The following ZNF514 variants were observed in gnomAD, a reference collection of about 807,000 sequenced individuals.
ZNF514 encodes the protein zinc finger protein 514.
A neutral mutation model predicts 9.7 loss-of-function variants in ZNF514; 12 were observed. The ratio of observed to expected loss-of-function variants is 1.24; its 90% CI spans 0.79 to 2.01. The LOEUF is 2.01. ZNF514 is among the 30% of genes most tolerant of loss of function. The pLI, the probability that ZNF514 is intolerant of heterozygous loss-of-function variation, is 0.00. For missense variants in ZNF514, 467 were observed against 465.5 expected (o/e 1.00, Z -0.03); for synonymous variants, 158 against 163.7 (o/e 0.97, Z 0.27).
the ZNF514 span, among the ~76,000 whole-genome samples, chr2:95,131,826 T>C: frequency 2.0e-5 from 3 of 152,100 alleles, no homozygotes; most frequent in Non-Finnish European, 4.4e-5. Flanking sequence ...ATAAAACATT[T>C]ATTCAATGAA....
chr2:95,129,517 G>A, the ZNF514 span, among the ~76,000 whole-genome samples: 1 of 152,174 alleles, frequency 6.6e-6, no homozygotes. Context: ...TAGTTGAAGA[G>A]GCTAAATTCC....
chr2:95,127,703 C>T, the ZNF514 span, among the ~76,000 whole-genome samples: 11 of 152,048 alleles, frequency 7.2e-5, no homozygotes, highest in Non-Finnish European at 1.3e-4. Flanking sequence ...CTGCAGCCTC[C>T]GCCTTAGTGG....
the ZNF514 span, among the ~76,000 whole-genome samples, chr2:95,133,040 T>A: frequency 1.3e-5 from 2 of 152,338 alleles, no homozygotes; most frequent in Non-Finnish European, 2.9e-5. Context: ...AAACATCCCA[T>A]GCATCTTTCA....
chr2:95,133,456 G>A, the ZNF514 span, among the ~76,000 whole-genome samples: 26 of 152,214 alleles, frequency 1.7e-4, no homozygotes, highest in Non-Finnish European at 2.6e-4. Flanking sequence ...TCAGGAGTTA[G>A]GAAGGGGGTG....
intron 2 of ZNF514, among the ~76,000 whole-genome samples, chr2:95,156,687 A>C (rs1348540413): frequency 6.6e-6 from 1 of 152,206 alleles, no homozygotes; most frequent in Non-Finnish European, 1.5e-5. Flanking sequence ...CATCATTAAC[A>C]TTATTATAGT....
At chr2:95,155,675 T>C (rs1297168561) in intron 2 of ZNF514, 1 of 152,178 alleles carries the variant, frequency 6.6e-6, no homozygotes, top group Non-Finnish European at 1.5e-5. Context: ...TAAGAAAATA[T>C]ACAGTGATAG....
chr2:95,141,288 T>C (rs886337667), downstream of ZNF514, among the ~76,000 whole-genome samples: 5 of 152,220 alleles, frequency 3.3e-5, no homozygotes, highest in African/African-American at 7.2e-5. Context: ...CTTCTTTTAC[T>C]ATCCACAATC....
the ZNF514 span, among the ~76,000 whole-genome samples, chr2:95,139,129 G>A: frequency 5.1e-3 from 777 of 152,374 alleles, 7 homozygotes; most frequent in African/African-American, 0.018. Flanking sequence ...CCTCCATCTA[G>A]ATTTCAGAGT....
intron 4 of ZNF514, among the ~76,000 whole-genome samples, chr2:95,152,134 G>C (rs183670106): frequency 4.2e-4 from 64 of 152,280 alleles, no homozygotes; most frequent in Middle Eastern, 6.8e-3. Context: ...GTACTCTCAA[G>C]TCACCTGAGA....
At chr2:95,132,213 A>G in the ZNF514 span, among the ~76,000 whole-genome samples, 1 of 152,002 alleles carries the variant, frequency 6.6e-6, no homozygotes, top group Admixed American at 6.6e-5. Context: ...CTGGGAGGAA[A>G]TATCTGCAAG....
rs139423560 is a variant in ZNF514 at position 95,155,529 on chromosome 2, G to C, written c.-7+1822C>G. ...TGTCCTTTTAGTTTATAGGTATCCA[G>C]ACCCACAGGATCTCCATCCAGACTA... On this transcript the variant is annotated intron_variant, in intron 2 of 4. Transcript: ENST00000295208. 1.8e-3 allele frequency: 276 copies of C among 152,320 alleles called. 2 individuals are homozygous for C. The highest frequency in any genetic ancestry group is 6.5e-3 in the African/African-American group (270 of 41,562). 9.4% of individuals were successfully genotyped at this position (152,320 alleles called of 1,614,324 possible).
rs1252024984 is a variant in ZNF514, at chr2:95,149,182, C to T, written c.*100G>A. On this transcript the variant is annotated 3_prime_UTR_variant, in exon 5 of 5. Coordinates refer to ENST00000295208, the MANE Select transcript of ZNF514 (RefSeq NM_032788.3). ...CTGATGTGGAACAAGATGTGGTCTT[C>T]CCACATACATTACACCTTTAGGATC... The T allele has an allele frequency of 1.5e-6, 2 of 1,370,752 alleles. No individual in the cohort carries two copies. The highest frequency in any genetic ancestry group is 2.0e-6 in the Non-Finnish European group (2 of 1,014,266). The allele number at this position is 1,370,752 out of a possible 1,614,324, so 84.9% of individuals were successfully genotyped here. A position where few individuals can be genotyped will look rare whatever the true frequency, so the allele number is the denominator to read the frequency against.
Position 95,159,678 on chromosome 2 carries a change from C to T in ZNF514, c.-534G>A, listed in dbSNP as rs1422901477. On this transcript the variant is annotated 5_prime_UTR_variant, in exon 1 of 5. Transcript: ENST00000295208. ...GCCAGCCCCCGCCCGCCACCCCGCG[C>T]CAGCCCCCGCGTCCGCCCCGCGCCA... The T allele has an allele frequency of 2.1e-5, 2 of 96,776 alleles. No homozygotes were observed. The highest frequency in any genetic ancestry group is 4.3e-5 in the Non-Finnish European group (2 of 46,916). The allele number at this position is 96,776 out of a possible 1,614,324, so 6.0% of individuals were successfully genotyped here.
chr2:95,149,750 T>A lies in ZNF514; in HGVS notation c.735A>T (p.Ser245=), dbSNP rs759922178. 21 of 1,614,244 alleles carry A rather than the reference T, an allele frequency of 1.3e-5. No individual in the cohort carries two copies. The South Asian group carries it at 2.1e-4, about 16-fold the overall frequency. Residue 245 remains serine (S), a synonymous_variant, in exon 5 of 5, where the codon TCA becomes TCT. Coordinates refer to ENST00000295208, the MANE Select transcript of ZNF514 (RefSeq NM_032788.3). ...GAGTTCTTTGATGTTTAATAAGGGA[T>A]GAAATATGACCAAAGGCTCTTCCAC... ...SDCGRAFGHI[S]SLIKHQRTHT...
At chr2:95,126,982 C>G in the ZNF514 span, among the ~76,000 whole-genome samples, 2 of 152,150 alleles carry the variant, frequency 1.3e-5, no homozygotes, top group Non-Finnish European at 2.9e-5. Context: ...CACCAATCAC[C>G]TGATCTCTTT....
At chr2:95,144,605 C>T (rs1673317318), downstream of ZNF514, among the ~76,000 whole-genome samples, 1 of 152,160 alleles carries the variant, frequency 6.6e-6, no homozygotes, top group Non-Finnish European at 1.5e-5. Context: ...TGCATCTCAT[C>T]CTTGGGCTGG....
At chr2:95,125,522 G>A in the ZNF514 span, among the ~76,000 whole-genome samples, 42 of 152,346 alleles carry the variant, frequency 2.8e-4, no homozygotes, top group Non-Finnish European at 5.7e-4. Context: ...ATAGGCGTGA[G>A]CCACCACACC....
At chr2:95,130,436 T>G in the ZNF514 span, among the ~76,000 whole-genome samples, 15 of 152,128 alleles carry the variant, frequency 9.9e-5, no homozygotes, top group African/African-American at 3.4e-4. Flanking sequence ...ACAAAATTTA[T>G]TAGGTGGGAA....
At chr2:95,157,544 T>C (rs1673721719) in intron 1 of ZNF514, 105 bp from the exon 2 acceptor site, 2 of 544,680 alleles carry the variant, frequency 3.7e-6, no homozygotes, top group Admixed American at 5.2e-5. Flanking sequence ...GTCACCTCCG[T>C]TGTTCTGAGG....
Sources: gnomAD v4.1 joint callset for allele counts (sites outside exome capture counted in the v4.1 genomes callset) on GRCh38, gnomAD v4.1.1 for gene constraint, MANE v1.5 for transcripts, NCBI Gene and HGNC (gene_info 2026-07-23, HGNC 2026-07-21) for gene names.